The following UVRAG variants were observed in gnomAD, a reference collection of about 807,000 sequenced individuals.
UVRAG encodes the protein UV radiation resistance associated.
In UVRAG, 19 loss-of-function variants were observed where a neutral mutation model predicts 78.0. That is an observed-to-expected ratio of 0.24 (90% CI 0.17 to 0.36). The LOEUF (loss-of-function observed/expected upper bound fraction) is 0.36. UVRAG is among the 10% of genes least tolerant of loss of function. The pLI is 1.00. For missense variants in UVRAG, 740 were observed against 853.8 expected, an observed-to-expected ratio of 0.87 and a Z score of 1.66; for synonymous variants, 323 against 324.6, an observed-to-expected ratio of 1.00 and a Z score of 0.05.
At position 76,007,201 on chromosome 11, in the gene UVRAG, G is replaced by A. The variant is rs555382036; in HGVS notation, c.912-333G>A. ...CTAATTTTTTTATTTTTGTAGAGACGGGGTCTCCCTATATTGCCCAGGCTG... is the reference window on the plus strand; with the variant it reads ...CTAATTTTTTTATTTTTGTAGAGACAGGGTCTCCCTATATTGCCCAGGCTG... On this transcript the variant is annotated intron_variant, in intron 9 of 14. Transcript: ENST00000356136. Among the ~76,000 whole-genome samples the A allele has an allele frequency of 5.9e-5, 9 of 152,020 alleles. No homozygotes were observed. The South Asian group carries it at 1.0e-3, about 18-fold the overall frequency.
intron 5 of UVRAG, 61 bp from the exon 6 acceptor site, chr11:75,911,893 A>C: frequency 1.8e-6 from 2 of 1,111,252 alleles, no homozygotes; most frequent in East Asian, 4.8e-5. Context: ...AAGCATGATT[A>C]ATTTGTGCAT....
chr11:76,013,882 C>CT (rs1950098347), intron 11 of UVRAG, among the ~76,000 whole-genome samples: 1 of 152,202 alleles, frequency 6.6e-6, no homozygotes, highest in South Asian at 2.1e-4. Flanking sequence ...TATTGGAAAT[C>CT]TAACACCACA....
intron 3 of UVRAG, among the ~76,000 whole-genome samples, chr11:75,878,036 G>T (rs112652641): frequency 6.7e-6 from 1 of 149,110 alleles, no homozygotes; most frequent in Non-Finnish European, 1.5e-5. Context: ...GGTGGCTGCC[G>T]GGCGGAGGGG....
chr11:76,127,634 CA>C lies in UVRAG; in HGVS notation c.1397+11636del, dbSNP rs36010618. On this transcript the variant is annotated intron_variant, in intron 14 of 14. Coordinates refer to ENST00000356136, the MANE Select transcript of UVRAG (RefSeq NM_003369.4). ...GGGCAACAAGAACAAAACTCCGTCT[CA>C]AAAAAAAAAAAAAAAATGAATGAAT... Among the ~76,000 whole-genome samples the C allele has an allele frequency of 4.0e-3, 333 of 82,832 alleles. 1 individual carries two copies. Among genetic ancestry groups the C allele is most frequent in the Middle Eastern group, 0.012 (1 of 86 alleles). The allele number at this position is 82,832 out of a possible 152,430, so 54.3% of individuals were successfully genotyped here.
chr11:76,050,359 CT>C (rs1950840378), intron 12 of UVRAG, among the ~76,000 whole-genome samples: 1 of 152,150 alleles, frequency 6.6e-6, no homozygotes, highest in African/African-American at 2.4e-5. Flanking sequence ...CTATATGTTA[CT>C]TAGTTCTCCT....
At chr11:75,942,445 C>T (rs1948503550) in intron 6 of UVRAG, 1 of 152,100 alleles carries the variant, frequency 6.6e-6, no homozygotes. Context: ...ATGGTGGTGG[C>T]TTTTCTTTCG....
intron 6 of UVRAG, among the ~76,000 whole-genome samples, chr11:75,931,815 T>C (rs2135107781): frequency 6.6e-6 from 1 of 152,332 alleles, no homozygotes; most frequent in Non-Finnish European, 1.5e-5. Context: ...GTGTTTTTGT[T>C]AGCTATCTCA....
At chr11:76,040,050 G>C (rs1271447490) in intron 12 of UVRAG, among the ~76,000 whole-genome samples, 1 of 152,150 alleles carries the variant, frequency 6.6e-6, no homozygotes, top group East Asian at 1.9e-4. Flanking sequence ...AATACTATTT[G>C]TATATATATT....
chr11:76,084,221 A>G (rs902646462), intron 13 of UVRAG, among the ~76,000 whole-genome samples: 22 of 152,358 alleles, frequency 1.4e-4, no homozygotes, highest in African/African-American at 4.6e-4. Context: ...ACATTAGTTT[A>G]TATCTCCTTA....
intron 3 of UVRAG, among the ~76,000 whole-genome samples, chr11:75,878,065 G>C (rs538735135): frequency 6.6e-6 from 1 of 151,184 alleles, no homozygotes; most frequent in African/African-American, 2.4e-5. Context: ...TTCTCCAGAC[G>C]GGGCGGCTGC....
chr11:75,945,159 CAG>C (rs780404629), intron 6 of UVRAG, among the ~76,000 whole-genome samples: 1 of 151,954 alleles, frequency 6.6e-6, no homozygotes, highest in Non-Finnish European at 1.5e-5. Context: ...AAAATAGAAT[CAG>C]AGAAATCTTA....
intron 8 of UVRAG, among the ~76,000 whole-genome samples, chr11:75,992,794 T>A (rs558934241): frequency 1.7e-4 from 26 of 152,330 alleles, no homozygotes; most frequent in African/African-American, 6.0e-4. Flanking sequence ...ATTTAATGAA[T>A]CTTGAGCCAA....
At position 76,111,907 on chromosome 11, in the gene UVRAG, T is replaced by TAA. The variant is rs111492918; in HGVS notation, c.1306-4008_1306-4007dup. Among the ~76,000 whole-genome samples, 755 of 119,312 alleles carry TAA rather than the reference T, an allele frequency of 6.3e-3. 12 individuals carry two copies. Among genetic ancestry groups the TAA allele is most frequent in the African/African-American group, 0.022 (723 of 32,534 alleles). The allele number at this position is 119,312 out of a possible 152,430, so 78.3% of individuals were successfully genotyped here. A position where few individuals can be genotyped will look rare whatever the true frequency, so the allele number is the denominator to read the frequency against. ...GACATTAGAGGAAAGCCTCTAATATTAAAAAAAAAAGTCTAAAATAAAGTG... is the reference window on the plus strand; with the variant it reads ...GACATTAGAGGAAAGCCTCTAATATTAAAAAAAAAAAAGTCTAAAATAAAGTG... On this transcript the variant is annotated intron_variant, in intron 13 of 14. Transcript: ENST00000356136.
chr11:75,852,863 T>C (rs887194954), intron 2 of UVRAG, among the ~76,000 whole-genome samples: 16 of 152,220 alleles, frequency 1.1e-4, no homozygotes, highest in Non-Finnish European at 2.2e-4. Flanking sequence ...TACTGAGACT[T>C]ATTTGAATCT....
chr11:76,008,801 T>G lies in UVRAG; in HGVS notation c.1000-6T>G. 1 of 1,432,892 alleles carries G rather than the reference T, an allele frequency of 7.0e-7. No homozygotes were observed. Among genetic ancestry groups the G allele is most frequent in the Non-Finnish European group, 9.4e-7 (1 of 1,059,886 alleles). 88.8% of individuals were successfully genotyped at this position (1,432,892 alleles called of 1,614,324 possible). Reference sequence around the variant, plus strand: ...TATTAATTTTATTCTTTAATTAAATTCACAGAATGAACATAAGGATTACTT... The same window carrying G: ...TATTAATTTTATTCTTTAATTAAATGCACAGAATGAACATAAGGATTACTT... On this transcript the variant is annotated splice_polypyrimidine_tract_variant and splice_region_variant and intron_variant, in intron 10 of 14. Transcript: ENST00000356136.
chr11:75,948,729 G>T (rs1229875087), intron 6 of UVRAG, among the ~76,000 whole-genome samples: 2 of 152,052 alleles, frequency 1.3e-5, no homozygotes, highest in African/African-American at 4.8e-5. Context: ...ATTACCCATA[G>T]ATACATAATG....
At chr11:75,987,230 G>T (rs990638083) in intron 8 of UVRAG, among the ~76,000 whole-genome samples, 3 of 152,102 alleles carry the variant, frequency 2.0e-5, no homozygotes, top group Non-Finnish European at 2.9e-5. Context: ...ATATATGAGG[G>T]TTCCAATCTC....
chr11:75,913,765 G>A (rs1221342272), intron 6 of UVRAG, among the ~76,000 whole-genome samples: 2 of 152,152 alleles, frequency 1.3e-5, no homozygotes, highest in East Asian at 3.8e-4. Context: ...TCCTAAACTG[G>A]TGGTTACAAG....
At chr11:76,105,599 A>AT (rs112978468) in intron 13 of UVRAG, among the ~76,000 whole-genome samples, 15,267 of 151,386 alleles carry the variant, frequency 0.1, 1,759 homozygotes, top group African/African-American at 0.29. Flanking sequence ...AAATACAAAA[A>AT]CTTAGCTGGG....
Sources: gnomAD v4.1 joint callset for allele counts (sites outside exome capture counted in the v4.1 genomes callset) on GRCh38, gnomAD v4.1.1 for gene constraint, MANE v1.5 for transcripts, NCBI Gene and HGNC (gene_info 2026-07-23, HGNC 2026-07-21) for gene names.